COX10: variants seen among roughly 807,000 people sequenced by gnomAD.
COX10 encodes the protein cytochrome c oxidase assembly factor heme A:farnesyltransferase COX10.
A neutral mutation model predicts 37.3 loss-of-function variants in COX10; 27 were observed. The ratio of observed to expected loss-of-function variants is 0.72; its 90% confidence interval spans 0.53 to 1.00. The LOEUF (loss-of-function observed/expected upper bound fraction) is 1.00, where lower values mean the gene tolerates loss of function less well. Among genes scored for constraint, COX10 ranks in the 50% least tolerant of loss-of-function variants. COX10 has a pLI of 0.00. For missense variants in COX10, 475 were observed against 563.2 expected, an observed-to-expected ratio of 0.84 and a Z score of 1.59; for synonymous variants, 222 against 229.1, an observed-to-expected ratio of 0.97 and a Z score of 0.28.
intron 4 of COX10, among the ~76,000 whole-genome samples, chr17:14,158,319 G>C (rs1905092855): frequency 6.6e-6 from 1 of 151,530 alleles, no homozygotes; most frequent in Non-Finnish European, 1.5e-5. Context: ...AAATTAAAGG[G>C]AACACAACTT....
chr17:14,093,633 G>A (rs937083460), intron 3 of COX10, among the ~76,000 whole-genome samples: 1 of 152,152 alleles, frequency 6.6e-6, no homozygotes, highest in Non-Finnish European at 1.5e-5. Context: ...CCCTTCTGTT[G>A]CAGAAGTAAC....
intron 3 of COX10, among the ~76,000 whole-genome samples, chr17:14,092,016 TA>T (rs1356984089): frequency 6.6e-6 from 1 of 152,174 alleles, no homozygotes; most frequent in African/African-American, 2.4e-5. Context: ...AAAAAGGTTA[TA>T]AATTTTTGGT....
chr17:14,206,769 G>T, intron 6 of COX10, 41 bp from the exon 7 acceptor site: 1 of 1,611,896 alleles, frequency 6.2e-7, no homozygotes, highest in South Asian at 1.1e-5. Flanking sequence ...CTCTGGTGAT[G>T]ACTGCCTTTG....
intron 4 of COX10, among the ~76,000 whole-genome samples, chr17:14,156,162 T>C (rs925930355): frequency 6.6e-5 from 10 of 152,210 alleles, no homozygotes; most frequent in African/African-American, 2.4e-4. Context: ...TGATATATTA[T>C]TATTTTTGGT....
At chr17:14,092,612 G>C (rs961132533) in intron 3 of COX10, among the ~76,000 whole-genome samples, 1 of 151,996 alleles carries the variant, frequency 6.6e-6, no homozygotes, top group African/African-American at 2.4e-5. Context: ...ATAAGCATGA[G>C]AATTACCACC....
At chr17:14,193,854 A>G (rs904900128) in intron 6 of COX10, among the ~76,000 whole-genome samples, 6 of 150,480 alleles carry the variant, frequency 4.0e-5, no homozygotes, top group African/African-American at 1.5e-4. Context: ...GATTGTGCAG[A>G]CATTTGAGGT....
chr17:14,126,768 C>T (rs539624948), intron 4 of COX10, among the ~76,000 whole-genome samples: 2 of 152,118 alleles, frequency 1.3e-5, no homozygotes, highest in South Asian at 4.2e-4. Context: ...CCTTTGATAA[C>T]TTGGTGTTTT....
chr17:14,077,900 G>T (rs1355159828), intron 3 of COX10, among the ~76,000 whole-genome samples: 1 of 148,476 alleles, frequency 6.7e-6, no homozygotes, highest in African/African-American at 2.5e-5. Flanking sequence ...TTTGAGAGCA[G>T]AGAAGGATCA....
At chr17:14,192,811 G>T (rs1314035273) in intron 6 of COX10, among the ~76,000 whole-genome samples, 1 of 152,152 alleles carries the variant, frequency 6.6e-6, no homozygotes, top group East Asian at 1.9e-4. Flanking sequence ...CCATGTGTAA[G>T]GGAAGTTTCA....
intron 5 of COX10, among the ~76,000 whole-genome samples, chr17:14,168,683 G>A (rs925445196): frequency 1.3e-5 from 2 of 152,220 alleles, no homozygotes; most frequent in Non-Finnish European, 2.9e-5. Context: ...TGAAGCCATG[G>A]CTTGAGCTGT....
At chr17:14,104,463 A>G (rs1915849404) in intron 4 of COX10, among the ~76,000 whole-genome samples, 1 of 152,160 alleles carries the variant, frequency 6.6e-6, no homozygotes, top group South Asian at 2.1e-4. Context: ...ATATAAATAA[A>G]GAAATAGTCC....
intron 5 of COX10, among the ~76,000 whole-genome samples, chr17:14,173,035 ATTAT>A (rs1344554606): frequency 2.0e-5 from 3 of 152,068 alleles, no homozygotes; most frequent in Non-Finnish European, 4.4e-5. Flanking sequence ...TTTCAATGGC[ATTAT>A]TTGTTTGTTT....
chr17:14,128,899 T>G (rs1159482038), intron 4 of COX10, among the ~76,000 whole-genome samples: 1 of 152,222 alleles, frequency 6.6e-6, no homozygotes, highest in Non-Finnish European at 1.5e-5. Flanking sequence ...CAGGCGAGAG[T>G]GCAGTGGCGC....
At chr17:14,124,972 A>G (rs1356133270) in intron 4 of COX10, among the ~76,000 whole-genome samples, 1 of 152,184 alleles carries the variant, frequency 6.6e-6, no homozygotes, top group Non-Finnish European at 1.5e-5. Context: ...TTGCTTTACT[A>G]GTTTTCACTT....
At chr17:14,162,785 A>G (rs1345876869) in intron 5 of COX10, among the ~76,000 whole-genome samples, 1 of 152,236 alleles carries the variant, frequency 6.6e-6, no homozygotes, top group Non-Finnish European at 1.5e-5. Context: ...AATGGATTGT[A>G]ATCGAATCCT....
intron 4 of COX10, among the ~76,000 whole-genome samples, chr17:14,133,675 G>A (rs1916514514): frequency 6.6e-6 from 1 of 151,432 alleles, no homozygotes; most frequent in Non-Finnish European, 1.5e-5. Flanking sequence ...GGCACTACAT[G>A]GAATAAAAGA....
At chr17:14,125,623 G>A (rs550932679) in intron 4 of COX10, among the ~76,000 whole-genome samples, 39 of 152,270 alleles carry the variant, frequency 2.6e-4, no homozygotes, top group African/African-American at 8.9e-4. Flanking sequence ...GTTGAGGCAT[G>A]TGTGTATTCA....
At chr17:14,115,595 G>A (rs924554559) in intron 4 of COX10, among the ~76,000 whole-genome samples, 12 of 152,004 alleles carry the variant, frequency 7.9e-5, no homozygotes, top group East Asian at 1.9e-4. Context: ...GTTTATCACC[G>A]CCCTACCACC....
At chr17:14,073,420 T>G (rs1405970707) in intron 1 of COX10, among the ~76,000 whole-genome samples, 1 of 151,982 alleles carries the variant, frequency 6.6e-6, no homozygotes, top group Non-Finnish European at 1.5e-5. Flanking sequence ...GGGAACAGAG[T>G]AGAGATTGGT....
Sources: allele counts gnomAD v4.1 joint callset (sites outside exome capture counted in the v4.1 genomes callset), GRCh38; gene constraint gnomAD v4.1.1; transcripts MANE v1.5; gene names NCBI Gene and HGNC (gene_info 2026-07-23, HGNC 2026-07-21).